The following ZFAT variants were observed in gnomAD, a reference collection of about 807,000 sequenced individuals.
The protein encoded by ZFAT is zinc finger and AT-hook domain containing.
Under a neutral mutation model 117.7 loss-of-function variants are expected in ZFAT, and 64 were observed. That is an observed-to-expected ratio of 0.54 (90% confidence interval 0.44 to 0.67). ZFAT has a LOEUF of 0.67. Among genes scored for constraint, ZFAT ranks in the 30% least tolerant of loss-of-function variants. The pLI, the probability that ZFAT is intolerant of heterozygous loss-of-function variation, is 0.00. For missense variants in ZFAT, 1,433 were observed against 1,584.5 expected (o/e 0.90, Z 1.62); for synonymous variants, 679 against 615.0 (o/e 1.10, Z -1.54).
At chr8:134,742,239 T>G in the ZFAT span, among the ~76,000 whole-genome samples, 7 of 152,072 alleles carry the variant, frequency 4.6e-5, no homozygotes, top group African/African-American at 1.7e-4. Flanking sequence ...TAAGTATATA[T>G]GTGCCATGGT....
chr8:134,497,422 T>C (rs58618134), intron 15 of ZFAT, among the ~76,000 whole-genome samples: 69,198 of 143,594 alleles, frequency 0.48, 16,241 homozygotes, highest in East Asian at 0.65. Context: ...ACACAGAGCC[T>C]GATTTGGTAG....
intron 11 of ZFAT, among the ~76,000 whole-genome samples, chr8:134,555,801 GT>G (rs2130723490): frequency 6.8e-6 from 1 of 147,528 alleles, no homozygotes; most frequent in East Asian, 2.0e-4. Context: ...GAACAAATAC[GT>G]TAAAAGCTCT....
chr8:134,644,128 T>C (rs1437580985), intron 2 of ZFAT, among the ~76,000 whole-genome samples: 3 of 152,176 alleles, frequency 2.0e-5, no homozygotes, highest in Non-Finnish European at 2.9e-5. Flanking sequence ...AACTGCCTTT[T>C]TGCCTATTTG....
intron 12 of ZFAT, 124 bp from the exon 13 acceptor site, chr8:134,521,125 C>A: frequency 6.5e-6 from 4 of 613,650 alleles, no homozygotes; most frequent in Non-Finnish European, 1.1e-5. Context: ...CACTTGTATT[C>A]AATTCAAGCT....
intron 10 of ZFAT, among the ~76,000 whole-genome samples, chr8:134,568,709 G>A (rs1301415636): frequency 6.6e-6 from 1 of 152,204 alleles, no homozygotes; most frequent in Non-Finnish European, 1.5e-5. Flanking sequence ...ATCCCTTACT[G>A]AAGCATCAGA....
the ZFAT span, among the ~76,000 whole-genome samples, chr8:134,829,047 G>C: frequency 1.3e-5 from 2 of 152,208 alleles, no homozygotes; most frequent in Non-Finnish European, 2.9e-5. Flanking sequence ...GAGAGTGTCT[G>C]ACAACAAGGT....
At chr8:134,727,323 T>C in the ZFAT span, among the ~76,000 whole-genome samples, 137,733 of 152,046 alleles carry the variant, frequency 0.91, 62,675 homozygotes, top group African/African-American at 0.97. Flanking sequence ...ATGGAGGAAG[T>C]GGCTGGTGCA....
Position 134,548,270 on chromosome 8 carries a change from C to T in ZFAT, c.2977-15298G>A, listed in dbSNP as rs1389808808. On this transcript the variant is annotated intron_variant, in intron 11 of 15. Coordinates refer to ENST00000377838, the MANE Select transcript of ZFAT (RefSeq NM_020863.4). Reference sequence around the variant, plus strand: ...ATTATGAACAAGTAAATATATAACCCATTGATGCTGTTAAACACATAAAAA... The same window carrying T: ...ATTATGAACAAGTAAATATATAACCTATTGATGCTGTTAAACACATAAAAA... Among the ~76,000 whole-genome samples the T allele has an allele frequency of 3.3e-5, 5 of 152,158 alleles. No homozygotes were observed. In the East Asian group the frequency reaches 9.6e-4, roughly 29 times the overall value.
chr8:134,768,344 A>G, the ZFAT span, among the ~76,000 whole-genome samples: 2 of 152,254 alleles, frequency 1.3e-5, no homozygotes, highest in African/African-American at 4.8e-5. Context: ...TACGTAATTA[A>G]TAAATGTCGT....
In ZFAT at chr8:134,509,610, G is replaced by C; in HGVS notation, c.3492+9C>G. 1 of 1,613,146 alleles carries C rather than the reference G, an allele frequency of 6.2e-7. No homozygotes were observed. The highest frequency in any genetic ancestry group is 2.2e-5 in the East Asian group (1 of 44,850). On this transcript the variant is annotated intron_variant, in intron 15 of 15. Transcript: ENST00000377838. ...CAGAGATGAATAGTTACAGAAGGAGGGTCCCTACCTGCTTAACCACAGTCA... is the reference window on the plus strand; with the variant it reads ...CAGAGATGAATAGTTACAGAAGGAGCGTCCCTACCTGCTTAACCACAGTCA...
intron 10 of ZFAT, among the ~76,000 whole-genome samples, chr8:134,569,240 T>C (rs1824700747): frequency 6.6e-6 from 1 of 152,096 alleles, no homozygotes; most frequent in South Asian, 2.1e-4. Flanking sequence ...CTCTGAGTAC[T>C]TGCCAGATCA....
At chr8:134,513,338 C>A (rs993670681) in intron 13 of ZFAT, among the ~76,000 whole-genome samples, 4 of 152,108 alleles carry the variant, frequency 2.6e-5, no homozygotes, top group Non-Finnish European at 5.9e-5. Context: ...CCTGGGATTA[C>A]AGGCACGCAC....
intron 2 of ZFAT, among the ~76,000 whole-genome samples, chr8:134,653,998 T>C (rs1297357061): frequency 2.6e-5 from 4 of 152,212 alleles, no homozygotes; most frequent in African/African-American, 9.6e-5. Context: ...TAATTTTCTT[T>C]TACAGCAAGA....
the ZFAT span, among the ~76,000 whole-genome samples, chr8:134,732,647 C>T: frequency 2.0e-5 from 3 of 152,146 alleles, no homozygotes; most frequent in Non-Finnish European, 2.9e-5. Context: ...CATTAGTTCT[C>T]AATAGTTAAA....
chr8:134,671,418 C>T (rs1384437273), intron 1 of ZFAT, among the ~76,000 whole-genome samples: 2 of 152,210 alleles, frequency 1.3e-5, no homozygotes, highest in Non-Finnish European at 2.9e-5. Context: ...ATCAAGTGGG[C>T]TTCATCCCTG....
the ZFAT span, chr8:134,764,759 A>T: frequency 4.7e-4 from 72 of 152,316 alleles, no homozygotes; most frequent in African/African-American, 1.6e-3. Context: ...ACTTTTTATC[A>T]CCAGGCACTA....
chr8:134,665,743 G>C (rs1172856334), intron 1 of ZFAT, among the ~76,000 whole-genome samples: 3 of 152,150 alleles, frequency 2.0e-5, no homozygotes, highest in East Asian at 3.9e-4. Flanking sequence ...ATCACAGAGA[G>C]AGAGAGATGG....
the ZFAT span, chr8:134,795,970 G>A: frequency 2.0e-5 from 3 of 152,136 alleles, no homozygotes; most frequent in Non-Finnish European, 2.9e-5. Flanking sequence ...TTAACGTAAT[G>A]AAGCCTCCAC....
At chr8:134,621,014 A>C (rs1335300443) in intron 3 of ZFAT, among the ~76,000 whole-genome samples, 1 of 152,108 alleles carries the variant, frequency 6.6e-6, no homozygotes, top group Non-Finnish European at 1.5e-5. Flanking sequence ...ATTCTAAGGT[A>C]GTATTTTGTT....
Sources: gnomAD v4.1 joint callset for allele counts (sites outside exome capture counted in the v4.1 genomes callset) on GRCh38, gnomAD v4.1.1 for gene constraint, MANE v1.5 for transcripts, NCBI Gene and HGNC (gene_info 2026-07-23, HGNC 2026-07-21) for gene names.